SRGAP1: variants seen among roughly 807,000 people sequenced by gnomAD.
SRGAP1 encodes SLIT-ROBO Rho GTPase-activating protein 1.
In SRGAP1, 43 loss-of-function variants were observed where a neutral mutation model predicts 121.9. The ratio of observed to expected loss-of-function variants is 0.35; its 90% confidence interval spans 0.28 to 0.46. The LOEUF is 0.46. Among genes scored for constraint, SRGAP1 ranks in the 20% least tolerant of loss-of-function variants. SRGAP1 has a pLI of 1.00. For synonymous variants in SRGAP1, 447 were observed against 485.4 expected, an observed-to-expected ratio of 0.92 and a Z score of 1.04; for missense variants, 1,102 against 1,350.9, an observed-to-expected ratio of 0.82 and a Z score of 2.89.
chr12:64,015,604 A>G (rs1311499962), intron 3 of SRGAP1, among the ~76,000 whole-genome samples: 5 of 152,098 alleles, frequency 3.3e-5, no homozygotes, highest in Admixed American at 6.5e-5. Flanking sequence ...TCTTCAGTCT[A>G]TCATATTTGT....
chr12:63,928,439 G>A (rs1008639514), intron 1 of SRGAP1, among the ~76,000 whole-genome samples: 6 of 152,150 alleles, frequency 3.9e-5, no homozygotes, highest in Non-Finnish European at 5.9e-5. Flanking sequence ...TCTTCAACAG[G>A]TGACTGGATA....
chr12:64,035,415 G>A (rs1339851181), intron 4 of SRGAP1, among the ~76,000 whole-genome samples: 1 of 152,122 alleles, frequency 6.6e-6, no homozygotes, highest in African/African-American at 2.4e-5. Context: ...CCCTACTGGG[G>A]AGAGATTATG....
At chr12:64,071,645 G>T (rs1033362086) in intron 8 of SRGAP1, among the ~76,000 whole-genome samples, 1 of 152,114 alleles carries the variant, frequency 6.6e-6, no homozygotes, top group Non-Finnish European at 1.5e-5. Flanking sequence ...GGGGTGGGCC[G>T]CAGGAAAACA....
At chr12:64,059,117 C>T (rs1033743731) in intron 6 of SRGAP1, among the ~76,000 whole-genome samples, 12 of 152,100 alleles carry the variant, frequency 7.9e-5, no homozygotes, top group African/African-American at 2.7e-4. Context: ...CACATGCACG[C>T]TCCTCCCAGC....
chr12:63,881,187 G>A (rs932153092), intron 1 of SRGAP1, among the ~76,000 whole-genome samples: 1 of 152,120 alleles, frequency 6.6e-6, no homozygotes, highest in Non-Finnish European at 1.5e-5. Context: ...TACACACAAT[G>A]GTGTGTGAAC....
intron 1 of SRGAP1, among the ~76,000 whole-genome samples, chr12:63,904,331 G>A (rs1488323679): frequency 2.0e-5 from 3 of 152,172 alleles, no homozygotes. Flanking sequence ...ACAGAAATAT[G>A]TGCAACTCCC....
At chr12:63,934,174 C>T (rs1246302606) in intron 1 of SRGAP1, among the ~76,000 whole-genome samples, 1 of 152,122 alleles carries the variant, frequency 6.6e-6, no homozygotes, top group East Asian at 1.9e-4. Context: ...AATTCTTGCC[C>T]ACATGGAAGC....
chr12:64,090,324 G>C (rs1371675062), intron 11 of SRGAP1, among the ~76,000 whole-genome samples: 1 of 152,252 alleles, frequency 6.6e-6, no homozygotes, highest in Non-Finnish European at 1.5e-5. Flanking sequence ...GAGAGGAAGA[G>C]AGTCTGCAGT....
intron 14 of SRGAP1, among the ~76,000 whole-genome samples, 160 bp downstream of exon 14, chr12:64,095,364 G>A (rs536521692): frequency 2.6e-5 from 4 of 152,306 alleles, no homozygotes; most frequent in South Asian, 2.1e-4. Context: ...GCTGAGAAAT[G>A]GTACCAAAAC....
At chr12:64,065,810 G>A (rs879384027) in intron 8 of SRGAP1, among the ~76,000 whole-genome samples, 10 of 152,046 alleles carry the variant, frequency 6.6e-5, no homozygotes, top group East Asian at 1.9e-4. Context: ...ACTGAACATG[G>A]CATTACTGAT....
intron 10 of SRGAP1, among the ~76,000 whole-genome samples, chr12:64,082,449 TTTC>T (rs1489464513): frequency 6.7e-6 from 1 of 149,360 alleles, no homozygotes; most frequent in Non-Finnish European, 1.5e-5. Flanking sequence ...AAGCCAGAAT[TTTC>T]TTTTTTTTTT....
At chr12:63,919,527 T>C (rs960665698) in intron 1 of SRGAP1, among the ~76,000 whole-genome samples, 92 of 146,392 alleles carry the variant, frequency 6.3e-4, no homozygotes, top group African/African-American at 2.2e-3. Flanking sequence ...TATATACACA[T>C]ACACACACAC....
At chr12:64,098,090 T>G (rs1006965823) in intron 15 of SRGAP1, among the ~76,000 whole-genome samples, 1 of 152,160 alleles carries the variant, frequency 6.6e-6, no homozygotes, top group African/African-American at 2.4e-5. Flanking sequence ...TAGAGCTGAC[T>G]TCAATCACTT....
At chr12:64,041,667 C>T (rs968049521) in intron 4 of SRGAP1, among the ~76,000 whole-genome samples, 15 of 151,764 alleles carry the variant, frequency 9.9e-5, no homozygotes, top group Non-Finnish European at 5.9e-5. Context: ...GGATTACAAG[C>T]GTGAAGCCAC....
chr12:63,909,395 T>G lies in SRGAP1; in HGVS notation c.67+64512T>G, dbSNP rs958450887. 2.0e-5 allele frequency among the ~76,000 whole-genome samples: 3 copies of G among 152,248 alleles called. No individual in the cohort carries two copies. The South Asian group carries it at 6.2e-4, about 31-fold the overall frequency. The stretch of plus-strand genomic sequence containing the variant: ...CTTACCACATCCCTTGCTCTATCCC[T>G]TGACCTCCATCTCATCCTTTCACTT... On this transcript the variant is annotated intron_variant, in intron 1 of 21. Transcript: ENST00000355086.
intron 1 of SRGAP1, among the ~76,000 whole-genome samples, chr12:63,855,455 G>T: frequency 7.4e-6 from 1 of 135,584 alleles, no homozygotes; most frequent in East Asian, 2.4e-4. Context: ...ACAAGCAGCA[G>T]TCAACATGAA....
intron 14 of SRGAP1, 100 bp downstream of exon 14, chr12:64,095,304 C>A: frequency 2.0e-6 from 2 of 1,008,556 alleles, no homozygotes. Context: ...CAAAACCTTT[C>A]TTTGTATGTA....
At chr12:63,949,629 G>A (rs534121897) in intron 1 of SRGAP1, among the ~76,000 whole-genome samples, 5 of 151,856 alleles carry the variant, frequency 3.3e-5, no homozygotes, top group East Asian at 3.9e-4. Flanking sequence ...GTGTTTCACC[G>A]TTTTAGCCAG....
intron 8 of SRGAP1, among the ~76,000 whole-genome samples, chr12:64,068,823 A>G (rs2035588715): frequency 6.6e-6 from 1 of 151,778 alleles, no homozygotes; most frequent in Non-Finnish European, 1.5e-5. Context: ...CAGCCTGGCC[A>G]GCATGGCAAA....
Sources: gnomAD v4.1 joint callset for allele counts (sites outside exome capture counted in the v4.1 genomes callset) on GRCh38, gnomAD v4.1.1 for gene constraint, MANE v1.5 for transcripts, NCBI Gene and HGNC (gene_info 2026-07-23, HGNC 2026-07-21) for gene names.